Variants in GALNT18 observed in about 807,000 individuals in gnomAD.
GALNT18 encodes the protein polypeptide N-acetylgalactosaminyltransferase 18, also known as GalNAc-transferase 18.
In GALNT18, 44 loss-of-function variants were observed where a neutral mutation model predicts 69.5. That is an observed-to-expected ratio of 0.63 (90% confidence interval 0.50 to 0.81). The LOEUF (loss-of-function observed/expected upper bound fraction) is 0.81. Among genes scored for constraint, GALNT18 ranks in the 40% least tolerant of loss-of-function variants. The pLI is 0.00. For missense variants in GALNT18, 715 were observed against 810.0 expected, an observed-to-expected ratio of 0.88 and a Z score of 1.42; for synonymous variants, 364 against 318.2, an observed-to-expected ratio of 1.14 and a Z score of -1.53.
At chr11:11,386,432 A>G (rs929805096) in intron 3 of GALNT18, among the ~76,000 whole-genome samples, 8 of 120,842 alleles carry the variant, frequency 6.6e-5, no homozygotes, top group Admixed American at 4.7e-4. Context: ...CTAAACTAAG[A>G]CAGTTGTACA....
intron 1 of GALNT18, among the ~76,000 whole-genome samples, chr11:11,491,134 G>C (rs1856763291): frequency 6.6e-6 from 1 of 152,112 alleles, no homozygotes; most frequent in Non-Finnish European, 1.5e-5. Flanking sequence ...TTGTCACTAG[G>C]GAGTCAGAAG....
rs1036877228 is a variant in GALNT18 at position 11,404,330 on chromosome 11, C to T, written c.596-25066G>A. ...CATCTGTGAATAGGGGTAAGACAAG[C>T]GGGTATATTAGTTGGATTCAACTTC... On this transcript the variant is annotated intron_variant, in intron 3 of 10. Transcript: ENST00000227756. This position sits in a 1 kb window ranked among gnomAD's most constrained non-coding sequence, Gnocchi z 4.5. Among the ~76,000 whole-genome samples, 1 of 152,146 alleles carries T rather than the reference C, an allele frequency of 6.6e-6. No individual in the cohort carries two copies. The highest frequency in any genetic ancestry group is 1.5e-5 in the Non-Finnish European group (1 of 68,028).
chr11:11,281,162 T>C (rs1849066078), intron 10 of GALNT18, among the ~76,000 whole-genome samples: 1 of 152,126 alleles, frequency 6.6e-6, no homozygotes, highest in African/African-American at 2.4e-5. Flanking sequence ...CGCTCTCTAA[T>C]TTGCAAGATC....
Position 11,383,619 on chromosome 11 carries a change from C to CCATT in GALNT18, c.596-4359_596-4356dup, listed in dbSNP as rs140103358. ...ACATAGAAATGAAGTGAGAGTTCAC[C>CCATT]CATTCATTCATTCATTCATTCAACA... On this transcript the variant is annotated intron_variant, in intron 3 of 10. Transcript: ENST00000227756. The surrounding 1 kb of genome is among the most constrained non-coding windows in gnomAD (Gnocchi z 5.2). 9.9e-5 allele frequency among the ~76,000 whole-genome samples: 15 copies of CCATT among 152,138 alleles called. No homozygotes were observed. Among genetic ancestry groups the CCATT allele is most frequent in the East Asian group, 3.9e-4 (2 of 5,164 alleles).
intron 1 of GALNT18, among the ~76,000 whole-genome samples, chr11:11,479,815 G>T (rs1353128355): frequency 6.6e-6 from 1 of 152,078 alleles, no homozygotes; most frequent in East Asian, 1.9e-4. Flanking sequence ...GTTTTCTTCT[G>T]CAAATTCATC....
At chr11:11,472,075 G>A (rs1292347632) in intron 1 of GALNT18, among the ~76,000 whole-genome samples, 1 of 152,224 alleles carries the variant, frequency 6.6e-6, no homozygotes, top group East Asian at 1.9e-4. Flanking sequence ...GGTTTCTTTG[G>A]AGTGTGCAGA....
In GALNT18 at chr11:11,379,236, A is replaced by G. The variant is rs1190819556; in HGVS notation, c.624T>C (p.Tyr208=). ...NEELKEKLTE[Y]VDKVNSQKPG... ...GCTTCTGGCTGTTCACCTTGTCCAC[A>G]TATTCGGTCAGCTTCTCCTTCAGTT... The change falls in exon 4 of 11, where the codon TAT becomes TAC. Residue 208 remains tyrosine (Y), a synonymous_variant. Coordinates refer to ENST00000227756, the MANE Select transcript of GALNT18 (RefSeq NM_198516.3). 2.5e-6 allele frequency: 4 copies of G among 1,613,036 alleles called. No individual in the cohort carries two copies. In the African/African-American group the frequency reaches 4.0e-5, roughly 16 times the overall value.
At chr11:11,400,373 A>C (rs1260641765) in intron 3 of GALNT18, among the ~76,000 whole-genome samples, 1 of 152,244 alleles carries the variant, frequency 6.6e-6, no homozygotes, top group African/African-American at 2.4e-5. Flanking sequence ...AGTTAACGCA[A>C]TGATCATTAG....
intron 1 of GALNT18, among the ~76,000 whole-genome samples, chr11:11,572,548 C>T (rs537085093): frequency 2.6e-4 from 40 of 152,282 alleles, no homozygotes; most frequent in African/African-American, 8.9e-4. Flanking sequence ...CCGCTACAGT[C>T]GCTCCTGGCC....
chr11:11,283,511 T>C (rs537598128), intron 10 of GALNT18, among the ~76,000 whole-genome samples: 1 of 152,296 alleles, frequency 6.6e-6, no homozygotes, highest in East Asian at 1.9e-4. Flanking sequence ...TGGGTGGTGC[T>C]GTGTTGGGCA....
chr11:11,359,384 T>G (rs1413485405), intron 6 of GALNT18, among the ~76,000 whole-genome samples: 1 of 101,488 alleles, frequency 9.9e-6, no homozygotes, highest in East Asian at 2.0e-4. Flanking sequence ...TGGATACATA[T>G]TTTTTAAAGT....
intron 1 of GALNT18, among the ~76,000 whole-genome samples, chr11:11,499,070 T>C (rs754004541): frequency 3.3e-5 from 5 of 152,366 alleles, no homozygotes; most frequent in African/African-American, 4.8e-5. Flanking sequence ...CTCTGCTTTA[T>C]GCCAGCAACT....
chr11:11,414,791 A>G lies in GALNT18; in HGVS notation c.595+17830T>C, dbSNP rs537348264. Among the ~76,000 whole-genome samples the G allele has an allele frequency of 9.8e-5, 15 of 152,318 alleles. No homozygotes were observed. In the South Asian group the frequency reaches 2.7e-3, roughly 27 times the overall value. On this transcript the variant is annotated intron_variant, in intron 3 of 10. Transcript: ENST00000227756. ...TGATGGATTCATTTTCTATTGATGC[A>G]TAACAAAATACTGTAAACTGAGCAG...
intron 1 of GALNT18, among the ~76,000 whole-genome samples, chr11:11,536,764 G>A (rs996280635): frequency 1.3e-5 from 2 of 152,152 alleles, no homozygotes; most frequent in Non-Finnish European, 2.9e-5. Flanking sequence ...GCAAAATGAC[G>A]TTCAGCTTCA....
chr11:11,321,105 A>T (rs1849832457), intron 9 of GALNT18, among the ~76,000 whole-genome samples: 1 of 152,224 alleles, frequency 6.6e-6, no homozygotes, highest in South Asian at 2.1e-4. Flanking sequence ...TGGCAAGCAC[A>T]AATTCACAGT....
intron 8 of GALNT18, among the ~76,000 whole-genome samples, chr11:11,329,347 C>T (rs182950153): frequency 3.3e-5 from 5 of 152,248 alleles, no homozygotes; most frequent in African/African-American, 1.2e-4. Flanking sequence ...TATGTCTCAC[C>T]TAATTCTCAT....
rs1469523713 is a variant in GALNT18, at chr11:11,523,213, C to T, written c.236-74277G>A. Among the ~76,000 whole-genome samples the T allele has an allele frequency of 6.6e-6, 1 of 152,168 alleles. No individual in the cohort carries two copies. The highest frequency in any genetic ancestry group is 1.5e-5 in the Non-Finnish European group (1 of 68,034). On this transcript the variant is annotated intron_variant, in intron 1 of 10. Transcript: ENST00000227756. This position sits in a 1 kb window ranked among gnomAD's most constrained non-coding sequence, Gnocchi z 4.3. ...TTATGAACTTGAGAAAGTCATTTCA[C>T]TTTCTTTCAAAGAACTGCAATCAGA... is the stretch of plus-strand genomic sequence containing the variant.
At chr11:11,378,343 C>A (rs1853824874) in intron 4 of GALNT18, among the ~76,000 whole-genome samples, 1 of 152,194 alleles carries the variant, frequency 6.6e-6, no homozygotes, top group African/African-American at 2.4e-5. Context: ...GGGTGGCCAC[C>A]TACTTGCCCC....
intron 1 of GALNT18, among the ~76,000 whole-genome samples, chr11:11,517,568 C>T (rs941837407): frequency 6.6e-6 from 1 of 152,204 alleles, no homozygotes; most frequent in African/African-American, 2.4e-5. Flanking sequence ...GAGACCCTCA[C>T]ATTTAGCCCT....
Sources: gnomAD v4.1 joint callset for allele counts (sites outside exome capture counted in the v4.1 genomes callset) on GRCh38, gnomAD v4.1.1 for gene constraint, Gnocchi (gnomAD v3.1) non-coding constraint, MANE v1.5 for transcripts, NCBI Gene and HGNC (gene_info 2026-07-23, HGNC 2026-07-21) for gene names.